Variants in ARSD observed in about 807,000 individuals in gnomAD.
The protein encoded by ARSD is testis tissue sperm-binding protein Li 39a.
In ARSD, 21 loss-of-function variants were observed where a neutral mutation model predicts 32.6. That is an observed-to-expected ratio of 0.64 (90% CI 0.46 to 0.93). The LOEUF is 0.93. Ranked by LOEUF, ARSD falls within the 40% of genes least tolerant of loss-of-function variation. The pLI, the probability that ARSD is intolerant of heterozygous loss-of-function variation, is 0.00. For missense variants in ARSD, 454 were observed against 520.9 expected (o/e 0.87, Z 1.25); for synonymous variants, 224 against 237.4 (o/e 0.94, Z 0.52).
chrX:2,921,744 A>C (rs1013916551), intron 3 of ARSD, among the ~76,000 whole-genome samples, 159 bp downstream of exon 3: 1 of 112,774 alleles, frequency 8.9e-6, no homozygotes, highest in Non-Finnish European at 1.9e-5. Flanking sequence ...GTATGCACAC[A>C]ATACAATATT....
At chrX:2,927,081 G>T (rs1441821292) in intron 1 of ARSD, among the ~76,000 whole-genome samples, 4 of 109,296 alleles carry the variant, frequency 3.7e-5, no homozygotes, top group African/African-American at 1.3e-4. Flanking sequence ...GGCCAGCAGG[G>T]CAATGGCCGC....
At chrX:2,918,385 A>G (rs1236105844) in intron 4 of ARSD, among the ~76,000 whole-genome samples, 158 bp from the exon 5 acceptor site, 1 of 112,926 alleles carries the variant, frequency 8.9e-6, no homozygotes, top group Non-Finnish European at 1.9e-5. Flanking sequence ...ACCTGTGTTT[A>G]AATGAACGCA....
chrX:2,923,675 C>A (rs1387423635), intron 2 of ARSD, among the ~76,000 whole-genome samples: 1 of 111,028 alleles, frequency 9.0e-6, no homozygotes, highest in Non-Finnish European at 1.9e-5. Context: ...CTTATAAGGA[C>A]CCCAGTCCTA....
intron 5 of ARSD, among the ~76,000 whole-genome samples, chrX:2,917,066 CAAAA>C (rs63580360): frequency 5.7e-5 from 3 of 52,694 alleles, no homozygotes; most frequent in African/African-American, 7.2e-5. Context: ...GACATTGTCT[CAAAA>C]AAAAAAAAAA....
chrX:2,904,990 G>A lies in ARSD; in HGVS notation c.*2281C>T, dbSNP rs140042243. The A allele has an allele frequency of 1.9e-3, 633 of 334,314 alleles. No individual in the cohort carries two copies. The highest frequency in any genetic ancestry group is 1.5e-3 in the Non-Finnish European group (246 of 168,082). 27.6% of individuals were successfully genotyped at this position (334,314 alleles called of 1,213,427 possible). On this transcript the variant is annotated 3_prime_UTR_variant, in exon 10 of 10. Coordinates refer to ENST00000381154, the MANE Select transcript of ARSD (RefSeq NM_001669.4). ...GATCCCTCTCCAGCCCTAGAAACCT[G>A]AGCTCTATAAATGTTGCCTCTCTCC...
In ARSD at chrX:2,920,251, G is replaced by A. The variant is rs112830190; in HGVS notation, c.439+350C>T. On this transcript the variant is annotated intron_variant, in intron 4 of 9. Transcript: ENST00000381154. ...CAATCTCCTAGGATTTTGAATTTAA[G>A]AAGAAAAAAAAACTCATGAAAAACT... 649 of 223,615 alleles carry A rather than the reference G, an allele frequency of 2.9e-3. 8 individuals carry two copies. Among genetic ancestry groups the A allele is most frequent in the African/African-American group, 0.016 (554 of 33,814 alleles). 18.4% of individuals were successfully genotyped at this position (223,615 alleles called of 1,213,427 possible).
At chrX:2,920,444 C>T in intron 4 of ARSD, 157 bp downstream of exon 4, 1 of 675,776 alleles carries the variant, frequency 1.5e-6, no homozygotes, top group South Asian at 2.7e-5. Context: ...GATCTCGGCT[C>T]CCTGCAACCT....
In ARSD at chrX:2,909,998, G is replaced by C; in HGVS notation, c.1136-19C>G. The C allele has an allele frequency of 8.3e-7, 1 of 1,209,514 alleles. No individual in the cohort carries two copies. The highest frequency in any genetic ancestry group is 1.1e-6 in the Non-Finnish European group (1 of 894,351). ...TTCCCACCTGTAAGTAGAAGACATC[G>C]TTAGGATTTTGCCGGAAACTGCCCA... On this transcript the variant is annotated intron_variant, in intron 7 of 9. Coordinates refer to ENST00000381154, the MANE Select transcript of ARSD (RefSeq NM_001669.4).
intron 9 of ARSD, chrX:2,908,100 A>C: frequency 6.8e-6 from 2 of 292,638 alleles, no homozygotes; most frequent in Non-Finnish European, 9.2e-6. Context: ...CATCGATCTC[A>C]TCTATCTACC....
At chrX:2,925,468 T>G (rs2089073698) in intron 2 of ARSD, 148 bp downstream of exon 2, 2 of 589,923 alleles carry the variant, frequency 3.4e-6, no homozygotes, top group Non-Finnish European at 5.0e-6. Flanking sequence ...CAGTTCCGCA[T>G]GGTTTAAAAG....
At chrX:2,911,045 C>G (rs1294521744) in intron 6 of ARSD, among the ~76,000 whole-genome samples, 2 of 112,247 alleles carry the variant, frequency 1.8e-5, no homozygotes, top group Non-Finnish European at 3.8e-5. Flanking sequence ...ATGGACTCTC[C>G]CTTCAGCCAA....
chrX:2,928,508 G>A, intron 1 of ARSD, among the ~76,000 whole-genome samples: 1 of 71,815 alleles, frequency 1.4e-5, no homozygotes, highest in South Asian at 1.2e-3. Flanking sequence ...CGGGGGGCGG[G>A]ATGGAGCATG....
intron 1 of ARSD, among the ~76,000 whole-genome samples, chrX:2,927,235 C>G (rs2089091740): frequency 1.9e-5 from 1 of 52,180 alleles, no homozygotes; most frequent in Non-Finnish European, 2.9e-5. Context: ...AAAATCCTAA[C>G]TTTCCTTTTT....
intron 2 of ARSD, among the ~76,000 whole-genome samples, chrX:2,923,626 G>C (rs1261909405): frequency 8.9e-6 from 1 of 111,738 alleles, no homozygotes; most frequent in Non-Finnish European, 1.9e-5. Flanking sequence ...TCCTCAGGTG[G>C]TCATTGCTCT....
At chrX:2,922,159 G>T in intron 2 of ARSD, 135 bp from the exon 3 acceptor site, 1 of 817,806 alleles carries the variant, frequency 1.2e-6, no homozygotes, top group Non-Finnish European at 1.7e-6. Flanking sequence ...ATGGTCTCCT[G>T]CAGCGGTAGA....
At position 2,929,184 on chromosome X, in the gene ARSD, C is replaced by T. The variant is rs1293373372; in HGVS notation, c.44+48G>A. On this transcript the variant is annotated intron_variant, in intron 1 of 9. Coordinates refer to ENST00000381154, the MANE Select transcript of ARSD (RefSeq NM_001669.4). ...CCGTGCTCGCGACCCCCTCCCCAGG[C>T]CCCCACCCTAGGCCTTAGTATGGGC... is the stretch of plus-strand genomic sequence containing the variant. 4 of 1,010,898 alleles carry T rather than the reference C, an allele frequency of 4.0e-6. No homozygotes were observed. The African/African-American group carries it at 6.1e-5, about 15-fold the overall frequency. 83.3% of individuals were successfully genotyped at this position (1,010,898 alleles called of 1,213,427 possible).
chrX:2,909,380 G>A (rs2088881775), intron 8 of ARSD, among the ~76,000 whole-genome samples: 1 of 110,881 alleles, frequency 9.0e-6, no homozygotes, highest in Non-Finnish European at 1.9e-5. Flanking sequence ...TAGAGATGGG[G>A]TTTCACCACG....
At position 2,915,497 on chromosome X, in the gene ARSD, G is replaced by A. The variant is rs1186625703; in HGVS notation, c.1000+59C>T. The A allele has an allele frequency of 5.0e-6, 6 of 1,196,121 alleles. No individual in the cohort carries two copies. The Admixed American group carries it at 6.7e-5, about 13-fold the overall frequency. ...CATATTCAGATGGCCAGTCTGTTAC[G>A]CCCTATGTTCAAACCTGAGGCCGAG... On this transcript the variant is annotated intron_variant, in intron 6 of 9. Coordinates refer to ENST00000381154, the MANE Select transcript of ARSD (RefSeq NM_001669.4).
In ARSD at chrX:2,907,286, C is replaced by T; in HGVS notation, c.1767G>A (p.Gly589=). ...HFPFCSCHED[G]DGTP is the part of the protein sequence containing the mutation. ...GTCCTGGCATTCAGGGGGTGCCATC[C>T]CCATCCTCGTGGCATGAACAGAACG... is the stretch of plus-strand genomic sequence containing the variant. Residue 589 remains glycine (G), a synonymous_variant, in exon 10 of 10, where the codon GGG becomes GGA. Coordinates refer to ENST00000381154, the MANE Select transcript of ARSD (RefSeq NM_001669.4). 8.3e-7 allele frequency: 1 copy of T among 1,208,075 alleles called. No individual in the cohort carries two copies. The highest frequency in any genetic ancestry group is 1.1e-6 in the Non-Finnish European group (1 of 893,305).
Sources: allele counts gnomAD v4.1 joint callset (sites outside exome capture counted in the v4.1 genomes callset), GRCh38; gene constraint gnomAD v4.1.1; transcripts MANE v1.5; gene names NCBI Gene and HGNC (gene_info 2026-07-23, HGNC 2026-07-21).